CCDC91: variants seen among roughly 807,000 people sequenced by gnomAD.
CCDC91 encodes coiled-coil domain-containing protein 91.
A neutral mutation model predicts 63.2 loss-of-function variants in CCDC91; 48 were observed. That is an observed-to-expected ratio of 0.76 (90% CI 0.60 to 0.97). CCDC91 has a LOEUF of 0.97. Among genes scored for constraint, CCDC91 ranks in the 50% least tolerant of loss-of-function variants. CCDC91 has a pLI of 0.00. For missense variants in CCDC91, 500 were observed against 494.6 expected (o/e 1.01, Z -0.10); for synonymous variants, 167 against 165.8 (o/e 1.01, Z -0.06).
chr12:28,363,590 G>A (rs1473054889), intron 7 of CCDC91, among the ~76,000 whole-genome samples: 4 of 152,086 alleles, frequency 2.6e-5, no homozygotes, highest in Admixed American at 6.5e-5. Flanking sequence ...AGAAGCTTCC[G>A]TAAATCATTT....
rs543921826 is a variant in CCDC91, at chr12:28,516,447, A to G, written c.1215+32282A>G. 6.6e-5 allele frequency among the ~76,000 whole-genome samples: 10 copies of G among 151,908 alleles called. No homozygotes were observed. In the East Asian group the frequency reaches 1.8e-3, roughly 27 times the overall value. On this transcript the variant is annotated intron_variant, in intron 12 of 12. Coordinates refer to ENST00000536442, the MANE Select transcript of CCDC91 (RefSeq NM_018318.5). The stretch of plus-strand genomic sequence containing the variant: ...GCAAAACCACATCTCTACAAAAAAT[A>G]CAAACATTAGTTGGGCATAGTGGCA...
chr12:28,312,354 G>C (rs1462853763), intron 6 of CCDC91, among the ~76,000 whole-genome samples: 1 of 151,828 alleles, frequency 6.6e-6, no homozygotes, highest in African/African-American at 2.4e-5. Flanking sequence ...ATATTTATGT[G>C]TATGTGTTAG....
chr12:28,300,524 A>G (rs1287739582), intron 3 of CCDC91, among the ~76,000 whole-genome samples: 1 of 151,534 alleles, frequency 6.6e-6, no homozygotes, highest in Admixed American at 6.6e-5. Flanking sequence ...GTTTTAATAT[A>G]GTTTAATTTA....
At chr12:28,341,399 T>C (rs1942413600) in intron 6 of CCDC91, among the ~76,000 whole-genome samples, 2 of 152,162 alleles carry the variant, frequency 1.3e-5, no homozygotes, top group Non-Finnish European at 2.9e-5. Flanking sequence ...CCCCCTCCCA[T>C]ATCATCACTT....
intron 12 of CCDC91, among the ~76,000 whole-genome samples, chr12:28,508,118 G>A (rs1353307529): frequency 6.6e-6 from 1 of 151,852 alleles, no homozygotes; most frequent in Non-Finnish European, 1.5e-5. Flanking sequence ...TAGTCCTGAA[G>A]GCAGGCTCTG....
At chr12:28,274,568 G>A (rs927723791) in intron 3 of CCDC91, among the ~76,000 whole-genome samples, 3 of 152,028 alleles carry the variant, frequency 2.0e-5, no homozygotes, top group South Asian at 4.1e-4. Flanking sequence ...TCCCTTGCAC[G>A]TTGGATTCCT....
In CCDC91 at chr12:28,452,559, G is replaced by C; in HGVS notation, c.1006G>C (p.Glu336Gln). 6.3e-7 allele frequency: 1 copy of C among 1,591,818 alleles called. No homozygotes were observed. Among genetic ancestry groups the C allele is most frequent in the Non-Finnish European group, 8.6e-7 (1 of 1,168,806 alleles). Residue 336 changes from glutamate (E) to glutamine (Q), a missense_variant, in exon 11 of 13, where the codon GAA (glutamate) becomes CAA (glutamine). By Grantham distance (29) the Glu-to-Gln change is conservative (BLOSUM62 2). Transcript: ENST00000536442. The stretch of plus-strand genomic sequence containing the variant: ...AAATTTAGAAAAAGCGCATGCTGAA[G>C]AAAGGGAATTATGGAAGACAGAACA... ...RKNLEKAHAE[E>Q]RELWKTEHAK... is the part of the protein sequence containing the mutation.
In CCDC91 at chr12:28,458,455, CTTTTTTTTTTTTTTT is replaced by C. The variant is rs60083355; in HGVS notation, c.1101+5819_1101+5833del. ...TTCCCTTTTGTCCTCATTTGCACAC[CTTTTTTTTTTTTTTT>C]TTTTTTTTTTTTTTTTTAAGATGGA... On this transcript the variant is annotated intron_variant, in intron 11 of 12. Transcript: ENST00000536442. Among the ~76,000 whole-genome samples, 51 of 45,810 alleles carry C rather than the reference CTTTTTTTTTTTTTTT, an allele frequency of 1.1e-3. No individual in the cohort carries two copies. The East Asian group carries it at 0.015, about 13-fold the overall frequency. 30.1% of individuals were successfully genotyped at this position (45,810 alleles called of 152,430 possible).
At chr12:28,378,720 G>C (rs1440231027) in intron 7 of CCDC91, among the ~76,000 whole-genome samples, 1 of 152,006 alleles carries the variant, frequency 6.6e-6, no homozygotes, top group Non-Finnish European at 1.5e-5. Context: ...CATATGATCA[G>C]ATTTTTCCTG....
rs1651839075 is a variant in CCDC91, at chr12:28,483,916, C to A, written c.1102-136C>A. 28 of 508,734 alleles carry A rather than the reference C, an allele frequency of 5.5e-5. No individual in the cohort carries two copies. The South Asian group carries it at 8.0e-4, about 15-fold the overall frequency. 31.5% of individuals were successfully genotyped at this position (508,734 alleles called of 1,614,324 possible). On this transcript the variant is annotated intron_variant, in intron 11 of 12. Transcript: ENST00000536442. ...CAGATCGCAAAAGATTCTGTAAGTTCTTATTCCTGTGTAAAGGTACACTTT... is the reference window on the plus strand; with the variant it reads ...CAGATCGCAAAAGATTCTGTAAGTTATTATTCCTGTGTAAAGGTACACTTT...
In CCDC91 at chr12:28,297,403, T is replaced by C. The variant is rs1387268097; in HGVS notation, c.110-8246T>C. 2.6e-5 allele frequency among the ~76,000 whole-genome samples: 4 copies of C among 151,894 alleles called. No individual in the cohort carries two copies. The East Asian group carries it at 7.7e-4, about 29-fold the overall frequency. On this transcript the variant is annotated intron_variant, in intron 3 of 12. Transcript: ENST00000536442. ...GAAGAGATCTGTCAATGAAAAATGA[T>C]ATGTCCAAGTGACTTGCTAGTTACC... is the stretch of plus-strand genomic sequence containing the variant.
At chr12:28,253,361 C>T (rs1332980079) in intron 1 of CCDC91, among the ~76,000 whole-genome samples, 1 of 152,116 alleles carries the variant, frequency 6.6e-6, no homozygotes, top group Non-Finnish European at 1.5e-5. Flanking sequence ...ATAACTTCAC[C>T]TAGTCCACCT....
intron 3 of CCDC91, among the ~76,000 whole-genome samples, chr12:28,262,785 T>C (rs1946910209): frequency 6.6e-6 from 1 of 152,040 alleles, no homozygotes; most frequent in South Asian, 2.1e-4. Flanking sequence ...GTCATAGGAA[T>C]TGCAGAATGT....
At chr12:28,261,967 T>C (rs1160216789) in intron 3 of CCDC91, among the ~76,000 whole-genome samples, 1 of 152,028 alleles carries the variant, frequency 6.6e-6, no homozygotes, top group Non-Finnish European at 1.5e-5. Context: ...GGCTAAGGGC[T>C]GAAGTTAAAG....
At chr12:28,513,795 GTTC>G (rs1168610190) in intron 12 of CCDC91, among the ~76,000 whole-genome samples, 10 of 151,768 alleles carry the variant, frequency 6.6e-5, no homozygotes, top group Non-Finnish European at 1.5e-4. Flanking sequence ...GCATGATCGT[GTTC>G]TTCTTATGTC....
intron 1 of CCDC91, among the ~76,000 whole-genome samples, chr12:28,247,093 C>T (rs1945791068): frequency 1.3e-5 from 2 of 152,170 alleles, no homozygotes; most frequent in African/African-American, 2.4e-5. Context: ...ATGGTTCAAA[C>T]ACAAATTTCT....
intron 12 of CCDC91, among the ~76,000 whole-genome samples, chr12:28,501,934 G>T (rs538335385): frequency 0.016 from 2,482 of 151,830 alleles, 32 homozygotes; most frequent in African/African-American, 0.029. Flanking sequence ...TTTAGTCTTG[G>T]GAGGGTGTAT....
At chr12:28,248,488 A>G (rs1349012346) in intron 1 of CCDC91, among the ~76,000 whole-genome samples, 2 of 152,222 alleles carry the variant, frequency 1.3e-5, no homozygotes, top group Non-Finnish European at 2.9e-5. Context: ...TTTAAAGGAT[A>G]GGTAGAAGAA....
At chr12:28,521,561 TA>T (rs1940672365) in intron 12 of CCDC91, among the ~76,000 whole-genome samples, 1 of 152,164 alleles carries the variant, frequency 6.6e-6, no homozygotes, top group Admixed American at 6.6e-5. Flanking sequence ...GAATACCCTT[TA>T]TTTCTTTCTC....
Sources: allele counts gnomAD v4.1 joint callset (sites outside exome capture counted in the v4.1 genomes callset), GRCh38; gene constraint gnomAD v4.1.1; transcripts MANE v1.5; gene names NCBI Gene and HGNC (gene_info 2026-07-23, HGNC 2026-07-21).